Variants in UTP15 observed in about 807,000 individuals in gnomAD.
UTP15 encodes UTP15 small subunit processome component.
Under a neutral mutation model 59.1 loss-of-function variants are expected in UTP15, and 5 were observed. The observed-to-expected ratio is 0.08, with a 90% CI of 0.04 to 0.18. The LOEUF (loss-of-function observed/expected upper bound fraction) is 0.18. Among genes scored for constraint, UTP15 ranks in the 10% least tolerant of loss-of-function variants. The probability of loss-of-function intolerance (pLI) is 1.00; values close to 1 mark genes in which losing one functional copy is unlikely to be tolerated. For synonymous variants in UTP15, 211 were observed against 212.2 expected (o/e 0.99, Z 0.05); for missense variants, 494 against 616.7 (o/e 0.80, Z 2.11).
At position 73,571,570 on chromosome 5, in the gene UTP15, T is replaced by G. The variant is rs907404481; in HGVS notation, c.673+859T>G. On this transcript the variant is annotated intron_variant, in intron 6 of 12. Transcript: ENST00000296792. ...TGCTGTGTGTACCTCCTTTTTTTTT[T>G]TTTCTTAATTCTAAAATCTGGCTAG... Among the ~76,000 whole-genome samples, 3 of 152,080 alleles carry G rather than the reference T, an allele frequency of 2.0e-5. No individual in the cohort carries two copies. The East Asian group carries it at 5.8e-4, about 29-fold the overall frequency.
Position 73,578,913 on chromosome 5 carries a change from G to T in UTP15, c.1146+61G>T, listed in dbSNP as rs1748210780. 8.8e-6 allele frequency: 14 copies of T among 1,597,818 alleles called. No homozygotes were observed. In the South Asian group the frequency reaches 1.6e-4, roughly 18 times the overall value. On this transcript the variant is annotated intron_variant, in intron 10 of 12. Transcript: ENST00000296792. ...TTACCCTGCATATTACCATGACTTGGAACTGTGAAGATAAATATTATTCAA... is the reference window on the plus strand; with the variant it reads ...TTACCCTGCATATTACCATGACTTGTAACTGTGAAGATAAATATTATTCAA...
intron 6 of UTP15, 124 bp from the exon 7 acceptor site, chr5:73,572,365 T>A (rs1747955746): frequency 7.9e-7 from 1 of 1,260,464 alleles, no homozygotes; most frequent in Non-Finnish European, 1.1e-6. Flanking sequence ...CCAGGCAGCC[T>A]GGCCTGGACT....
chr5:73,579,453 A>G (rs1444745678), intron 12 of UTP15, 78 bp downstream of exon 12: 18 of 1,121,944 alleles, frequency 1.6e-5, no homozygotes, highest in South Asian at 4.2e-5. Flanking sequence ...TTGGAAATCA[A>G]GTAGATCAAA....
At chr5:73,567,529 A>T in intron 2 of UTP15, 95 bp downstream of exon 2, 1 of 856,236 alleles carries the variant, frequency 1.2e-6, no homozygotes, top group South Asian at 2.3e-5. Flanking sequence ...GAGAATTATT[A>T]ACTGAAAACC....
intron 6 of UTP15, 85 bp downstream of exon 6, chr5:73,570,796 T>C: frequency 6.4e-7 from 1 of 1,563,314 alleles, no homozygotes; most frequent in Non-Finnish European, 8.7e-7. Flanking sequence ...AATTTATCAG[T>C]GTGCATTTGA....
chr5:73,572,381 A>T, intron 6 of UTP15, 108 bp from the exon 7 acceptor site: 2 of 1,449,278 alleles, frequency 1.4e-6, no homozygotes, highest in South Asian at 2.7e-5. Context: ...GGACTCCCTC[A>T]CTCAGCCTCC....
At chr5:73,577,429 C>T (rs1464107443) in intron 8 of UTP15, among the ~76,000 whole-genome samples, 1 of 152,180 alleles carries the variant, frequency 6.6e-6, no homozygotes, top group Non-Finnish European at 1.5e-5. Flanking sequence ...TTCTTTGTTA[C>T]TGCTCTTTCT....
chr5:73,572,631 AT>A lies in UTP15; in HGVS notation c.809+11del, dbSNP rs1171527571. 6.2e-7 allele frequency: 1 copy of A among 1,606,228 alleles called. No individual in the cohort carries two copies. Among genetic ancestry groups the A allele is most frequent in the Non-Finnish European group, 8.5e-7 (1 of 1,178,130 alleles). On this transcript the variant is annotated splice_region_variant and intron_variant, in intron 7 of 12. Transcript: ENST00000296792. ...TCTCTGGCTCACTGGATAGGTTGGCATTTTAATTTTTTTGTATATTATTATT... is the reference window on the plus strand; with the variant it reads ...TCTCTGGCTCACTGGATAGGTTGGCATTTAATTTTTTTGTATATTATTATT...
At chr5:73,577,152 A>T in intron 8 of UTP15, 116 bp downstream of exon 8, 1 of 773,768 alleles carries the variant, frequency 1.3e-6, no homozygotes, top group Middle Eastern at 2.5e-4. Flanking sequence ...CACATCAGAT[A>T]TTTGAGTTAA....
chr5:73,577,961 G>T lies in UTP15; in HGVS notation c.1000G>T (p.Ala334Ser), dbSNP rs753263359. 4 of 1,583,810 alleles carry T rather than the reference G, an allele frequency of 2.5e-6. No individual in the cohort carries two copies. The African/African-American group carries it at 5.5e-5, about 22-fold the overall frequency. Residue 334 changes from alanine to serine, a missense_variant, in exon 9 of 13, where the codon GCA (alanine) becomes TCA (serine). Ala to Ser is a moderately conservative substitution (Grantham distance 99). Transcript: ENST00000296792. ...ATCACTTCCCAGAAGAAGAAGGCCT[G>T]CATATCGAACCTTTATTAAAGGAAA... ...KESLPRRRRPAYRTFIKGKNY... is the reference protein window; with the variant it reads ...KESLPRRRRPSYRTFIKGKNY...
At position 73,581,966 on chromosome 5, in the gene UTP15, C is replaced by A. The variant is rs1354434991; in HGVS notation, c.*1872C>A. 6.6e-6 allele frequency: 1 copy of A among 152,106 alleles called. No individual in the cohort carries two copies. The highest frequency in any genetic ancestry group is 1.9e-4 in the East Asian group (1 of 5,172). The allele number at this position is 152,106 out of a possible 1,614,324, so 9.4% of individuals were successfully genotyped here. On this transcript the variant is annotated 3_prime_UTR_variant, in exon 13 of 13. Transcript: ENST00000296792. ...TTAAATAAAGTTTCTATTTAAAAAC[C>A]TTTTTAAAAAGTTAACATCATAAAT...
rs1244444703 is a variant in UTP15 at position 73,581,518 on chromosome 5, A to G, written c.*1424A>G. 2 of 152,172 alleles carry G rather than the reference A, an allele frequency of 1.3e-5. No homozygotes were observed. Among genetic ancestry groups the G allele is most frequent in the African/African-American group, 4.8e-5 (2 of 41,438 alleles). 9.4% of individuals were successfully genotyped at this position (152,172 alleles called of 1,614,324 possible). The stretch of plus-strand genomic sequence containing the variant: ...ACGCCAACTCAAGTAGTTAAAAATC[A>G]GTAAGAAAAATGTCTTGAGCTAGAA... On this transcript the variant is annotated 3_prime_UTR_variant, in exon 13 of 13. Transcript: ENST00000296792.
intron 5 of UTP15, among the ~76,000 whole-genome samples, chr5:73,569,899 C>A (rs184689147): frequency 1.1e-4 from 17 of 152,136 alleles, no homozygotes; most frequent in Non-Finnish European, 2.1e-4. Flanking sequence ...GTGATGTGAC[C>A]ATAGCTCACT....
chr5:73,583,046 T>C lies in UTP15; in HGVS notation c.*2952T>C, dbSNP rs1469596034. 3 of 152,242 alleles carry C rather than the reference T, an allele frequency of 2.0e-5. No individual in the cohort carries two copies. The highest frequency in any genetic ancestry group is 3.8e-4 in the East Asian group (2 of 5,204). The allele number at this position is 152,242 out of a possible 1,614,324, so 9.4% of individuals were successfully genotyped here. ...ATTAAGTTGTTTAAAGGAATTTGAA[T>C]TGTAAATGGGATTGTTAAAACAAAT... On this transcript the variant is annotated 3_prime_UTR_variant, in exon 13 of 13. Coordinates refer to ENST00000296792, the MANE Select transcript of UTP15 (RefSeq NM_032175.4).
rs1236665393 is a variant in UTP15, at chr5:73,565,807, T to A, written c.-189T>A. 1 of 456,262 alleles carries A rather than the reference T, an allele frequency of 2.2e-6. No homozygotes were observed. The highest frequency in any genetic ancestry group is 7.0e-5 in the East Asian group (1 of 14,386). The allele number at this position is 456,262 out of a possible 1,614,324, so 28.3% of individuals were successfully genotyped here. On this transcript the variant is annotated 5_prime_UTR_variant, in exon 1 of 13. Coordinates refer to ENST00000296792, the MANE Select transcript of UTP15 (RefSeq NM_032175.4). ...GCCGGCTCCTTGAGGGTCCATGTGA[T>A]TTTTACGCCAGTGCTGCTGAACTGT...
chr5:73,566,701 T>C (rs1381706318), intron 1 of UTP15, among the ~76,000 whole-genome samples: 1 of 152,252 alleles, frequency 6.6e-6, no homozygotes, highest in Non-Finnish European at 1.5e-5. Flanking sequence ...TCTGCCACTT[T>C]AGTGTTGAAT....
Position 73,569,667 on chromosome 5 carries a change from T to G in UTP15, c.539T>G (p.Phe180Cys). The G allele has an allele frequency of 1.9e-6, 3 of 1,604,740 alleles. No homozygotes were observed. Among genetic ancestry groups the G allele is most frequent in the Non-Finnish European group, 2.6e-6 (3 of 1,175,502 alleles). ...GCASKLNPDLFITGSYDHTVK... is the reference protein window; with the variant it reads ...GCASKLNPDLCITGSYDHTVK... ...GCTAGCAAACTTAATCCGGATCTCT[T>G]TATAACAGGTTGGTGAACTCTATTC... The change falls in exon 5 of 13, where the codon TTT becomes TGT. Residue 180 changes from phenylalanine to cysteine, a missense_variant. By Grantham distance (205) the Phe-to-Cys change is radical. Coordinates refer to ENST00000296792, the MANE Select transcript of UTP15 (RefSeq NM_032175.4).
chr5:73,567,239 A>G lies in UTP15; in HGVS notation c.-83-23A>G, dbSNP rs1580386205. 9.7e-6 allele frequency: 6 copies of G among 621,610 alleles called. No individual in the cohort carries two copies. The East Asian group carries it at 1.9e-4, about 20-fold the overall frequency. 38.5% of individuals were successfully genotyped at this position (621,610 alleles called of 1,614,324 possible). A position where few individuals can be genotyped will look rare whatever the true frequency, so the allele number is the denominator to read the frequency against. On this transcript the variant is annotated intron_variant, in intron 1 of 12. Coordinates refer to ENST00000296792, the MANE Select transcript of UTP15 (RefSeq NM_032175.4). The stretch of plus-strand genomic sequence containing the variant: ...CTATGTGTACAAGCTTATAATATGT[A>G]TATAAAATATTTTATTTTTCAGAAT...
At chr5:73,571,594 A>G (rs2112044228) in intron 6 of UTP15, among the ~76,000 whole-genome samples, 1 of 149,864 alleles carries the variant, frequency 6.7e-6, no homozygotes, top group African/African-American at 2.5e-5. Flanking sequence ...AAATCTGGCT[A>G]GAAATTACTC....
Sources: allele counts gnomAD v4.1 joint callset (sites outside exome capture counted in the v4.1 genomes callset), GRCh38; gene constraint gnomAD v4.1.1; transcripts MANE v1.5; gene names NCBI Gene and HGNC (gene_info 2026-07-23, HGNC 2026-07-21).